The following PLD5 variants were observed in gnomAD, a reference collection of about 807,000 sequenced individuals.
PLD5 encodes the protein inactive phospholipase D5.
In PLD5, 36 loss-of-function variants were observed where a neutral mutation model predicts 61.1. The observed-to-expected ratio is 0.59, with a 90% CI of 0.45 to 0.78. The LOEUF (loss-of-function observed/expected upper bound fraction) is 0.78, where lower values mean the gene tolerates loss of function less well. PLD5 is among the 30% of genes least tolerant of loss of function. The pLI is 0.00. For synonymous variants in PLD5, 243 were observed against 242.8 expected, an observed-to-expected ratio of 1.00 and a Z score of -0.01; for missense variants, 515 against 644.4, an observed-to-expected ratio of 0.80 and a Z score of 2.17.
chr1:242,153,400 G>A (rs932030840), intron 5 of PLD5, among the ~76,000 whole-genome samples: 4 of 151,208 alleles, frequency 2.6e-5, no homozygotes, highest in African/African-American at 4.9e-5. Flanking sequence ...ATTGCTTTTG[G>A]TGTTTTAGAC....
intron 4 of PLD5, among the ~76,000 whole-genome samples, chr1:242,229,599 T>C (rs960495965): frequency 2.0e-5 from 3 of 152,246 alleles, no homozygotes; most frequent in African/African-American, 4.8e-5. Flanking sequence ...TGATCTTCTC[T>C]AAGCATTTTG....
At position 242,469,770 on chromosome 1, in the gene PLD5, C is replaced by T. The variant is rs116244016; in HGVS notation, c.189+54318G>A. ...CATCTTGCTGTCCAGGGAACATGCA[C>T]GAACCCCTGCCAGCATCCCCATCCA... On this transcript the variant is annotated intron_variant, in intron 1 of 9. Coordinates refer to ENST00000536534, the MANE Select transcript of PLD5 (RefSeq NM_001372062.1). Among the ~76,000 whole-genome samples the T allele has an allele frequency of 8.9e-3, 1,349 of 152,204 alleles. 14 individuals are homozygous for T. Among genetic ancestry groups the T allele is most frequent in the Non-Finnish European group, 0.012 (785 of 68,018 alleles).
rs1399203925 is a variant in PLD5 at position 242,281,078 on chromosome 1, C to T, written c.495+7284G>A. Among the ~76,000 whole-genome samples, 3 of 152,192 alleles carry T rather than the reference C, an allele frequency of 2.0e-5. 1 individual carries two copies. Among genetic ancestry groups the T allele is most frequent in the Non-Finnish European group, 4.4e-5 (3 of 68,030 alleles). ...GCTGGAGGCAGGGGGCCATAGAGGA[C>T]TCCACCAGGCTGCGGGCTTCCTTAG... On this transcript the variant is annotated intron_variant, in intron 3 of 9. Coordinates refer to ENST00000536534, the MANE Select transcript of PLD5 (RefSeq NM_001372062.1).
rs552255531 is a variant in PLD5 at position 242,100,718 on chromosome 1, G to A, written c.1304C>T (p.Pro435Leu). Reference protein sequence around the residue: ...ATKEQKNHTFPRLNRNKYMVT... With the variant: ...ATKEQKNHTFLRLNRNKYMVT... The stretch of plus-strand genomic sequence containing the variant: ...CATGTACTTGTTGCGATTTAACCTA[G>A]GAAAGGTGTGATTCTTTTGTTCTTT... Residue 435 changes from proline to leucine, a missense_variant, in exon 9 of 10, where the codon CCT becomes CTT. By Grantham distance (98) the Pro-to-Leu change is moderately conservative (BLOSUM62 -3). Transcript: ENST00000536534. 6.5e-5 allele frequency: 105 copies of A among 1,613,856 alleles called. 2 individuals are homozygous for A. The South Asian group carries it at 9.2e-4, about 14-fold the overall frequency.
At chr1:242,514,688 A>G (rs1669046402) in intron 1 of PLD5, among the ~76,000 whole-genome samples, 1 of 152,234 alleles carries the variant, frequency 6.6e-6, no homozygotes, top group Non-Finnish European at 1.5e-5. Context: ...AGAATTTATT[A>G]AAGAGTGAGT....
At chr1:242,514,538 A>C (rs1326455061) in intron 1 of PLD5, among the ~76,000 whole-genome samples, 2 of 152,140 alleles carry the variant, frequency 1.3e-5, no homozygotes, top group Non-Finnish European at 2.9e-5. Flanking sequence ...TCCCCGTGAC[A>C]TGTGTTTACC....
rs185320706 is a variant in PLD5, at chr1:242,460,941, A to C, written c.189+63147T>G. On this transcript the variant is annotated intron_variant, in intron 1 of 9. Transcript: ENST00000536534. The stretch of plus-strand genomic sequence containing the variant: ...GATCACCTGAGGTCAGGAGTTCCAG[A>C]CCAGCCTGGGCAAGGTGGTGAAACC... Among the ~76,000 whole-genome samples the C allele has an allele frequency of 4.2e-4, 64 of 152,128 alleles. 1 individual carries two copies. Among genetic ancestry groups the C allele is most frequent in the Admixed American group, 3.3e-3 (50 of 15,266 alleles).
At chr1:242,115,841 G>GA (rs1558236985) in intron 6 of PLD5, among the ~76,000 whole-genome samples, 1 of 152,090 alleles carries the variant, frequency 6.6e-6, no homozygotes, top group South Asian at 2.1e-4. Flanking sequence ...TAAGCAAAAT[G>GA]AAAAAAAGAG....
intron 5 of PLD5, among the ~76,000 whole-genome samples, chr1:242,186,448 G>A (rs1249370729): frequency 1.3e-5 from 2 of 152,148 alleles, no homozygotes; most frequent in African/African-American, 4.8e-5. Context: ...TTCCCCAAGT[G>A]CTGGGATTAT....
Position 242,512,876 on chromosome 1 carries a change from C to A in PLD5, c.189+11212G>T, listed in dbSNP as rs60152587. Among the ~76,000 whole-genome samples, 21 of 132,520 alleles carry A rather than the reference C, an allele frequency of 1.6e-4. No homozygotes were observed. The Admixed American group carries it at 1.6e-3, about 10-fold the overall frequency. 86.9% of individuals were successfully genotyped at this position (132,520 alleles called of 152,430 possible). On this transcript the variant is annotated intron_variant, in intron 1 of 9. Transcript: ENST00000536534. ...TCCACTGAATTCTTTTTTATTTTTT[C>A]TTTTTTTTTTTTGGAGACAGGGTCT...
At chr1:242,213,753 T>C (rs1669971227) in intron 5 of PLD5, among the ~76,000 whole-genome samples, 1 of 150,516 alleles carries the variant, frequency 6.6e-6, no homozygotes, top group Non-Finnish European at 1.5e-5. Flanking sequence ...GGCAACTAGA[T>C]TGCACAGACA....
intron 2 of PLD5, among the ~76,000 whole-genome samples, chr1:242,290,655 GA>G (rs950902756): frequency 6.6e-6 from 1 of 151,810 alleles, no homozygotes; most frequent in South Asian, 2.1e-4. Flanking sequence ...TAGACCAGGG[GA>G]AAAAAAGAAG....
intron 1 of PLD5, among the ~76,000 whole-genome samples, chr1:242,518,888 A>G (rs1366497444): frequency 6.6e-6 from 1 of 152,174 alleles, no homozygotes; most frequent in Non-Finnish European, 1.5e-5. Flanking sequence ...ATATATGTCG[A>G]CTGTAGTGGT....
chr1:242,356,282 C>A (rs1040705267), intron 1 of PLD5, among the ~76,000 whole-genome samples: 1 of 151,754 alleles, frequency 6.6e-6, no homozygotes, highest in Non-Finnish European at 1.5e-5. Flanking sequence ...TTGTTATATC[C>A]TATTGATAAA....
chr1:242,131,472 T>A (rs1663244121), intron 5 of PLD5, among the ~76,000 whole-genome samples: 1 of 152,124 alleles, frequency 6.6e-6, no homozygotes. Context: ...AGAGAAGCAA[T>A]GCTAATTAAT....
chr1:242,418,172 C>A (rs1351951612), intron 1 of PLD5, among the ~76,000 whole-genome samples: 1 of 143,564 alleles, frequency 7.0e-6, no homozygotes, highest in Non-Finnish European at 1.6e-5. Flanking sequence ...AGACTTGGAT[C>A]TGAAATCTGA....
intron 1 of PLD5, among the ~76,000 whole-genome samples, chr1:242,362,780 T>C (rs1363191533): frequency 6.6e-6 from 1 of 152,180 alleles, no homozygotes; most frequent in African/African-American, 2.4e-5. Context: ...CTTAGGGCTC[T>C]ATCTTAGGAT....
chr1:242,156,648 A>G (rs1458966314), intron 5 of PLD5, among the ~76,000 whole-genome samples: 1 of 152,118 alleles, frequency 6.6e-6, no homozygotes, highest in Non-Finnish European at 1.5e-5. Flanking sequence ...TGGGTTGAAA[A>G]TTATTTTCTT....
chr1:242,187,242 C>T (rs1024321481), intron 5 of PLD5, among the ~76,000 whole-genome samples: 14 of 152,310 alleles, frequency 9.2e-5, no homozygotes, highest in African/African-American at 3.4e-4. Flanking sequence ...CATTATCCTT[C>T]TCACTGCCTG....
Sources: allele counts gnomAD v4.1 joint callset (sites outside exome capture counted in the v4.1 genomes callset), GRCh38; gene constraint gnomAD v4.1.1; transcripts MANE v1.5; gene names NCBI Gene and HGNC (gene_info 2026-07-23, HGNC 2026-07-21).